UNC13C: variants seen among roughly 807,000 people sequenced by gnomAD.
The protein encoded by UNC13C is unc-13 homolog C, also known as protein unc-13 homolog C.
In UNC13C, 174 loss-of-function variants were observed where a neutral mutation model predicts 245.4. That is an observed-to-expected ratio of 0.71 (90% CI 0.63 to 0.80). UNC13C has a LOEUF of 0.80. Among genes scored for constraint, UNC13C ranks in the 30% least tolerant of loss-of-function variants. The probability of loss-of-function intolerance (pLI) is 0.00; values close to 1 mark genes in which losing one functional copy is unlikely to be tolerated. For missense variants in UNC13C, 2,829 were observed against 2,602.9 expected (o/e 1.09, Z -1.89); for synonymous variants, 992 against 895.1 (o/e 1.11, Z -1.93).
At chr15:54,321,196 A>G (rs2038147900) in intron 13 of UNC13C, 1 of 504,736 alleles carries the variant, frequency 2.0e-6, no homozygotes, top group South Asian at 1.4e-5. Flanking sequence ...TTTCTGAATG[A>G]CAGCCTTATT....
At chr15:54,192,487 G>C (rs2034218234) in intron 4 of UNC13C, among the ~76,000 whole-genome samples, 1 of 152,084 alleles carries the variant, frequency 6.6e-6, no homozygotes, top group South Asian at 2.1e-4. Flanking sequence ...AGACAACTGT[G>C]ATTGGCAGCT....
chr15:53,893,244 ACCTGCTAGATG>A, the UNC13C span, among the ~76,000 whole-genome samples: 4 of 152,160 alleles, frequency 2.6e-5, no homozygotes, highest in African/African-American at 9.7e-5. Context: ...CCAGAGGGGC[ACCTGCTAGATG>A]CCTGCCAGAG....
Position 54,013,118 on chromosome 15 carries a change from C to G in UNC13C, c.215C>G (p.Thr72Ser), listed in dbSNP as rs762134513. The change falls in exon 2 of 33, where the codon ACT becomes AGT. Residue 72 changes from threonine (T) to serine (S), a missense_variant. Coordinates refer to ENST00000260323, the MANE Select transcript of UNC13C (RefSeq NM_001080534.3). ...AAGAAGATTGCAAAGTGTTCATCCA[C>G]TCACAACTTATCCACTGAGGAAGAC... is the stretch of plus-strand genomic sequence containing the variant. ...TVKKIAKCSS[T>S]HNLSTEEDEA... 1.9e-6 allele frequency: 3 copies of G among 1,613,814 alleles called. No homozygotes were observed. The highest frequency in any genetic ancestry group is 2.7e-5 in the African/African-American group (2 of 74,906).
intron 30 of UNC13C, among the ~76,000 whole-genome samples, chr15:54,585,990 T>A (rs1158023944): frequency 6.6e-6 from 1 of 152,280 alleles, no homozygotes; most frequent in East Asian, 1.9e-4. Flanking sequence ...GTCTTGCAAC[T>A]TGGAGTAAGA....
At chr15:53,964,197 A>G in the UNC13C span, among the ~76,000 whole-genome samples, 1 of 152,138 alleles carries the variant, frequency 6.6e-6, no homozygotes, top group Non-Finnish European at 1.5e-5. Context: ...AACTATATCT[A>G]CCTTTTCATT....
intron 2 of UNC13C, among the ~76,000 whole-genome samples, chr15:54,137,331 G>A (rs977464033): frequency 2.0e-5 from 3 of 152,090 alleles, no homozygotes; most frequent in Non-Finnish European, 2.9e-5. Context: ...TCCTTGTCTG[G>A]CTTTGGTGTG....
intron 30 of UNC13C, among the ~76,000 whole-genome samples, chr15:54,597,394 G>A (rs781514024): frequency 6.6e-6 from 1 of 152,112 alleles, no homozygotes; most frequent in Non-Finnish European, 1.5e-5. Flanking sequence ...AGGGTCCTCT[G>A]GTAGGAAGAT....
chr15:54,220,392 A>T (rs148338623), intron 4 of UNC13C, among the ~76,000 whole-genome samples: 1 of 144,136 alleles, frequency 6.9e-6, no homozygotes, highest in African/African-American at 2.7e-5. Context: ...TGGGAATTGA[A>T]CAATGAGAAC....
At chr15:54,215,339 A>G (rs1325303142) in intron 4 of UNC13C, among the ~76,000 whole-genome samples, 1 of 151,872 alleles carries the variant, frequency 6.6e-6, no homozygotes, top group East Asian at 1.9e-4. Flanking sequence ...TCTGAAAAAT[A>G]TTTTTCATTA....
chr15:54,479,067 A>G (rs1209526569), intron 19 of UNC13C, among the ~76,000 whole-genome samples: 2 of 151,984 alleles, frequency 1.3e-5, no homozygotes, highest in Non-Finnish European at 2.9e-5. Context: ...CTGTTCACCA[A>G]GGTGTGTTCG....
chr15:54,166,516 G>A (rs1452425656), intron 4 of UNC13C, among the ~76,000 whole-genome samples: 1 of 151,972 alleles, frequency 6.6e-6, no homozygotes, highest in Non-Finnish European at 1.5e-5. Flanking sequence ...AACAAGTATA[G>A]GCAATTAGGC....
At chr15:54,625,629 C>G (rs2681966) in intron 32 of UNC13C, among the ~76,000 whole-genome samples, 116,976 of 152,084 alleles carry the variant, frequency 0.77, 45,868 homozygotes, top group African/African-American at 0.94. Flanking sequence ...CGCCAATACA[C>G]TCTCTTACAG....
chr15:54,508,933 C>A (rs931767864), intron 23 of UNC13C, among the ~76,000 whole-genome samples: 2 of 152,154 alleles, frequency 1.3e-5, no homozygotes, highest in Non-Finnish European at 2.9e-5. Context: ...GGCGCGGTGG[C>A]TCACACCCAT....
intron 13 of UNC13C, chr15:54,321,081 G>A (rs2038144781): frequency 2.0e-6 from 1 of 487,926 alleles, no homozygotes; most frequent in Admixed American, 2.2e-5. Flanking sequence ...CACCACCAAA[G>A]CTTTTAGGAC....
At chr15:54,466,097 A>C (rs1265626551) in intron 19 of UNC13C, among the ~76,000 whole-genome samples, 1 of 152,038 alleles carries the variant, frequency 6.6e-6, no homozygotes, top group Non-Finnish European at 1.5e-5. Context: ...ACAGAGAGTC[A>C]AATTTTGCAT....
chr15:54,132,429 T>G (rs1403929045), intron 2 of UNC13C, among the ~76,000 whole-genome samples: 1 of 152,190 alleles, frequency 6.6e-6, no homozygotes, highest in Admixed American at 6.5e-5. Flanking sequence ...GTATGTGAGT[T>G]ATGAGTTAAA....
In UNC13C at chr15:54,038,124, A is replaced by ATAT; in HGVS notation, c.2983+22239_2983+22240insATT. On this transcript the variant is annotated intron_variant, in intron 2 of 32. Transcript: ENST00000260323. ...CATATATATATATATATATATATAT[A>ATAT]TTTTTTTTTTTTTTTTCCTGAGACA... 7.1e-3 allele frequency among the ~76,000 whole-genome samples: 318 copies of ATAT among 45,030 alleles called. 18 individuals are homozygous for ATAT. The highest frequency in any genetic ancestry group is 0.031 in the African/African-American group (289 of 9,446). 29.5% of individuals were successfully genotyped at this position (45,030 alleles called of 152,430 possible).
rs973650781 is a variant in UNC13C, at chr15:54,319,435, G to T, written c.4269-2504G>T. Among the ~76,000 whole-genome samples the T allele has an allele frequency of 1.4e-4, 22 of 151,856 alleles. No homozygotes were observed. In the East Asian group the frequency reaches 2.3e-3, roughly 16 times the overall value. On this transcript the variant is annotated intron_variant, in intron 13 of 32. Transcript: ENST00000260323. ...TATAATCAATTCAGTGTATAATAAA[G>T]TCATAACACTTATCATTTCCTTAAA...
At position 54,626,834 on chromosome 15, in the gene UNC13C, C is replaced by T. The variant is rs372635940; in HGVS notation, c.6366C>T (p.Leu2122=). 150 of 1,610,602 alleles carry T rather than the reference C, an allele frequency of 9.3e-5. No individual in the cohort carries two copies. The highest frequency in any genetic ancestry group is 2.5e-4 in the African/African-American group (19 of 74,750). The change falls in exon 33 of 33, where the codon CTC becomes CTT. Residue 2122 remains leucine (L), a synonymous_variant. Transcript: ENST00000260323. ...GTATTTTTAATCCACACAGCATTCT[C>T]GGAAAGGAAAATCGACCAGGGGCTT... ...PKYNETFQFI[L]GKENRPGAYE...
Sources: allele counts gnomAD v4.1 joint callset (sites outside exome capture counted in the v4.1 genomes callset), GRCh38; gene constraint gnomAD v4.1.1; transcripts MANE v1.5; gene names NCBI Gene and HGNC (gene_info 2026-07-23, HGNC 2026-07-21).